SLC8A1: variants seen among roughly 807,000 people sequenced by gnomAD.
SLC8A1 encodes the protein sodium/calcium exchanger 1.
In SLC8A1, 18 loss-of-function variants were observed where a neutral mutation model predicts 68.3. The ratio of observed to expected loss-of-function variants is 0.26; its 90% confidence interval spans 0.18 to 0.39. SLC8A1 has a LOEUF of 0.39. SLC8A1 is among the 10% of genes least tolerant of loss of function. The probability of loss-of-function intolerance (pLI) is 1.00; values close to 1 mark genes in which losing one functional copy is unlikely to be tolerated. For missense variants in SLC8A1, 985 were observed against 1,156.7 expected (o/e 0.85, Z 2.15); for synonymous variants, 475 against 415.5 (o/e 1.14, Z -1.74).
Position 40,488,328 on chromosome 2 carries a change from G to T in SLC8A1, c.-25+24021C>A, listed in dbSNP as rs777149801. 7.9e-4 allele frequency among the ~76,000 whole-genome samples: 120 copies of T among 151,940 alleles called. 1 individual carries two copies. The highest frequency in any genetic ancestry group is 1.6e-3 in the East Asian group (8 of 5,152). On this transcript the variant is annotated intron_variant, in intron 1 of 7. Coordinates refer to the SLC8A1 transcript ENST00000402441. Reference sequence around the variant, plus strand: ...AGGAAGCTAGTGAAAGACTATAAATGACAGGGAATTACCGTGCCATAGAAT... The same window carrying T: ...AGGAAGCTAGTGAAAGACTATAAATTACAGGGAATTACCGTGCCATAGAAT...
intron 2 of SLC8A1, among the ~76,000 whole-genome samples, chr2:40,412,017 T>C (rs1559571978): frequency 6.6e-6 from 1 of 152,150 alleles, no homozygotes; most frequent in Non-Finnish European, 1.5e-5. Context: ...ATTTACTTTG[T>C]TTTTATACGT....
intron 1 of SLC8A1, chr2:40,446,675 T>G (rs1427300046): frequency 6.6e-6 from 1 of 152,078 alleles, no homozygotes; most frequent in East Asian, 1.9e-4. Flanking sequence ...GTGTAGAGCA[T>G]GGCTTTTGGA....
At chr2:40,510,715 C>T (rs1482104286) in intron 1 of SLC8A1, among the ~76,000 whole-genome samples, 1 of 151,972 alleles carries the variant, frequency 6.6e-6, no homozygotes, top group Non-Finnish European at 1.5e-5. Flanking sequence ...CTTTCTAACT[C>T]TCTCACAAAT....
chr2:40,298,593 C>A (rs960291509), intron 2 of SLC8A1, among the ~76,000 whole-genome samples: 3 of 152,028 alleles, frequency 2.0e-5, no homozygotes, highest in African/African-American at 7.2e-5. Context: ...TTAATCTTCT[C>A]GATTAGTTCC....
chr2:40,343,223 C>G (rs1668256476), intron 2 of SLC8A1, among the ~76,000 whole-genome samples: 1 of 152,018 alleles, frequency 6.6e-6, no homozygotes, highest in South Asian at 2.1e-4. Flanking sequence ...CTCTTTTAAA[C>G]TCTGTTTAAT....
At position 40,175,289 on chromosome 2, in the gene SLC8A1, G is replaced by A. The variant is rs777957522; in HGVS notation, c.1913-447C>T. 6.2e-7 allele frequency: 1 copy of A among 1,612,200 alleles called. No homozygotes were observed. Among genetic ancestry groups the A allele is most frequent in the African/African-American group, 1.3e-5 (1 of 74,848 alleles). ...GCTCATTCAATAACAGGGCTGTGAA[G>A]GAAACAGACAAAGACAAACACAGAA... is the stretch of plus-strand genomic sequence containing the variant. On this transcript the variant is annotated intron_variant, in intron 3 of 7. Coordinates refer to ENST00000406785, the Ensembl canonical transcript of SLC8A1.
intron 2 of SLC8A1, among the ~76,000 whole-genome samples, chr2:40,383,044 G>A (rs1031513425): frequency 6.6e-6 from 1 of 151,980 alleles, no homozygotes; most frequent in African/African-American, 2.4e-5. Flanking sequence ...TGGCAAATTA[G>A]GTACCCAATG....
intron 2 of SLC8A1, among the ~76,000 whole-genome samples, chr2:40,191,402 G>C (rs912323537): frequency 3.9e-5 from 6 of 152,146 alleles, no homozygotes; most frequent in Admixed American, 1.3e-4. Context: ...TTATAGGTAA[G>C]CATCACAAGA....
intron 2 of SLC8A1, among the ~76,000 whole-genome samples, chr2:40,317,606 G>C (rs2074639356): frequency 6.6e-6 from 1 of 151,834 alleles, no homozygotes; most frequent in Admixed American, 6.6e-5. Flanking sequence ...AGAAAAATAG[G>C]AATATTTATT....
exon 8 of SLC8A1, chr2:40,105,597 C>G (rs2034146467): frequency 6.6e-6 from 1 of 152,122 alleles, no homozygotes; most frequent in Non-Finnish European, 1.5e-5. Flanking sequence ...TCCAATCCAC[C>G]TCACAGTGCT....
chr2:40,251,203 T>C (rs2062693298), intron 2 of SLC8A1: 1 of 151,636 alleles, frequency 6.6e-6, no homozygotes. Context: ...AATAATTCAG[T>C]GTGTGAGGTA....
chr2:40,341,085 TG>T (rs751151182), intron 2 of SLC8A1, among the ~76,000 whole-genome samples: 5 of 152,152 alleles, frequency 3.3e-5, no homozygotes, highest in Non-Finnish European at 7.3e-5. Context: ...AGAGGGGTTT[TG>T]TTTCCCAACC....
intron 2 of SLC8A1, among the ~76,000 whole-genome samples, chr2:40,425,476 G>T (rs1050567431): frequency 6.6e-6 from 1 of 151,688 alleles, no homozygotes; most frequent in African/African-American, 2.4e-5. Context: ...CTTAAAATTA[G>T]CCTTTAAATT....
At chr2:40,396,086 A>G (rs1686808877) in intron 2 of SLC8A1, among the ~76,000 whole-genome samples, 1 of 152,186 alleles carries the variant, frequency 6.6e-6, no homozygotes, top group Admixed American at 6.6e-5. Context: ...GAAAACTTGA[A>G]TGTTTTGCTG....
At chr2:40,247,185 AG>A (rs2061997294) in intron 2 of SLC8A1, among the ~76,000 whole-genome samples, 1 of 152,106 alleles carries the variant, frequency 6.6e-6, no homozygotes, top group Non-Finnish European at 1.5e-5. Context: ...AGCCTTGGTG[AG>A]TTTTCCAACC....
intron 7 of SLC8A1, among the ~76,000 whole-genome samples, chr2:40,126,076 C>T (rs536552200): frequency 1.3e-5 from 2 of 152,046 alleles, no homozygotes; most frequent in South Asian, 2.1e-4. Context: ...TGTGAGGGCA[C>T]GAGGTGGGAT....
chr2:40,244,845 T>C (rs1173900500), intron 2 of SLC8A1, among the ~76,000 whole-genome samples: 1 of 152,162 alleles, frequency 6.6e-6, no homozygotes, highest in East Asian at 1.9e-4. Context: ...AAAGGGTTGC[T>C]GGAGTCCCTG....
At chr2:40,098,581 G>C (rs1572669011) in exon 8 of SLC8A1, 1 of 151,892 alleles carries the variant, frequency 6.6e-6, no homozygotes, top group Non-Finnish European at 1.5e-5. Flanking sequence ...ATTAATGTTG[G>C]TGCCTTTAAT....
chr2:40,111,330 T>C (rs994820269), exon 8 of SLC8A1: 4 of 152,132 alleles, frequency 2.6e-5, no homozygotes, highest in East Asian at 1.9e-4. Context: ...TATAAAGAAA[T>C]AGAGGTTGGC....
Sources: allele counts gnomAD v4.1 joint callset (sites outside exome capture counted in the v4.1 genomes callset), GRCh38; gene constraint gnomAD v4.1.1; transcripts MANE v1.5; gene names NCBI Gene and HGNC (gene_info 2026-07-23, HGNC 2026-07-21).